The following PTCHD1 variants were observed in gnomAD, a reference collection of about 807,000 sequenced individuals.
PTCHD1 encodes the protein patched domain containing 1.
Under a neutral mutation model 34.6 loss-of-function variants are expected in PTCHD1, and 3 were observed. The ratio of observed to expected loss-of-function variants is 0.09; its 90% CI spans 0.04 to 0.22. The LOEUF is 0.22. Among genes scored for constraint, PTCHD1 ranks in the 10% least tolerant of loss-of-function variants. The pLI, the probability that PTCHD1 is intolerant of heterozygous loss-of-function variation, is 1.00. For synonymous variants in PTCHD1, 305 were observed against 283.1 expected (o/e 1.08, Z -0.77); for missense variants, 504 against 685.5 (o/e 0.74, Z 2.96).
At chrX:23,384,809 A>G (rs1248130663) in intron 2 of PTCHD1, among the ~76,000 whole-genome samples, 1 of 112,001 alleles carries the variant, frequency 8.9e-6, no homozygotes, top group Non-Finnish European at 1.9e-5. Context: ...TGAAATTGCA[A>G]ATATCCAACC....
chrX:23,375,771 G>C (rs146372951), intron 1 of PTCHD1, among the ~76,000 whole-genome samples: 39 of 111,774 alleles, frequency 3.5e-4, no homozygotes, highest in African/African-American at 1.2e-3. Flanking sequence ...GAGGATAATA[G>C]TATCACCATT....
chrX:23,392,074 C>CTTTCTTTTTTTTTTTT (rs367570857), intron 2 of PTCHD1, among the ~76,000 whole-genome samples: 19 of 52,349 alleles, frequency 3.6e-4, no homozygotes, highest in African/African-American at 2.0e-3. Flanking sequence ...TTCTTTCTTT[C>CTTTCTTTTTTTTTTTT]TTTTTTTTTT....
intron 1 of PTCHD1, among the ~76,000 whole-genome samples, chrX:23,353,418 C>G (rs1921702282): frequency 8.9e-6 from 1 of 112,455 alleles, no homozygotes; most frequent in Non-Finnish European, 1.9e-5. Context: ...GAAACCCCGT[C>G]TCTACTAAAG....
In PTCHD1 at chrX:23,396,551, G is replaced by A. The variant is rs1367938042; in HGVS notation, c.*2366G>A. ...GGCTTAAAGCAGCTCCACAAAACCT[G>A]ACACAACACACACACCAATTAAATG... On this transcript the variant is annotated 3_prime_UTR_variant, in exon 3 of 3. Transcript: ENST00000379361. 8.9e-6 allele frequency: 1 copy of A among 112,006 alleles called. No individual in the cohort carries two copies. Among genetic ancestry groups the A allele is most frequent in the Non-Finnish European group, 1.9e-5 (1 of 53,185 alleles). 9.2% of individuals were successfully genotyped at this position (112,006 alleles called of 1,213,427 possible).
chrX:23,379,409 A>C (rs1198890082), intron 1 of PTCHD1, among the ~76,000 whole-genome samples, 182 bp from the exon 2 acceptor site: 1 of 111,843 alleles, frequency 8.9e-6, no homozygotes, highest in African/African-American at 3.3e-5. Flanking sequence ...CTGCTGTTCT[A>C]GGGGCCACAT....
At chrX:23,378,570 G>A (rs1248955037) in intron 1 of PTCHD1, among the ~76,000 whole-genome samples, 1 of 111,773 alleles carries the variant, frequency 8.9e-6, no homozygotes, top group Non-Finnish European at 1.9e-5. Flanking sequence ...TATGGTGAGG[G>A]GCCAAGAGCA....
chrX:23,384,289 T>C (rs1922633265), intron 2 of PTCHD1, among the ~76,000 whole-genome samples: 1 of 112,286 alleles, frequency 8.9e-6, no homozygotes, highest in Non-Finnish European at 1.9e-5. Flanking sequence ...ATTTATGAGA[T>C]AAAAAATACT....
intron 1 of PTCHD1, among the ~76,000 whole-genome samples, chrX:23,348,879 G>A (rs775109541): frequency 2.7e-5 from 3 of 111,458 alleles, no homozygotes; most frequent in Admixed American, 1.9e-4. Flanking sequence ...AAATGAAGCT[G>A]AACTAAAATA....
rs1312468822 is a variant in PTCHD1, at chrX:23,379,768, A to G, written c.529A>G (p.Ile177Val). 5.0e-6 allele frequency: 6 copies of G among 1,209,055 alleles called. No individual in the cohort carries two copies. In the Admixed American group the frequency reaches 8.8e-5, roughly 18 times the overall value. ...NRTNFAITYPITHLKDGRAVY... is the reference protein window; with the variant it reads ...NRTNFAITYPVTHLKDGRAVY... Reference sequence around the variant, plus strand: ...GACCAATTTTGCTATCACATACCCAATCACTCACTTAAAGGACGGGAGGGC... The same window carrying G: ...GACCAATTTTGCTATCACATACCCAGTCACTCACTTAAAGGACGGGAGGGC... Residue 177 changes from isoleucine to valine, a missense_variant, in exon 2 of 3, where the codon ATC becomes GTC. Transcript: ENST00000379361.
At chrX:23,336,897 C>T (rs956549145) in intron 1 of PTCHD1, among the ~76,000 whole-genome samples, 2 of 111,244 alleles carry the variant, frequency 1.8e-5, no homozygotes, top group Non-Finnish European at 3.8e-5. Context: ...GGAAATGCCC[C>T]GTCTTTTGAT....
intron 1 of PTCHD1, among the ~76,000 whole-genome samples, chrX:23,342,265 C>CATATATAT (rs1921328923): frequency 1.6e-4 from 9 of 57,489 alleles, no homozygotes; most frequent in Non-Finnish European, 3.1e-4. Context: ...TGTGTTTCTC[C>CATATATAT]CTATATATAT....
intron 1 of PTCHD1, among the ~76,000 whole-genome samples, chrX:23,345,967 G>T (rs2146612609): frequency 9.0e-6 from 1 of 111,707 alleles, no homozygotes; most frequent in African/African-American, 3.3e-5. Context: ...CAGGAGAAAA[G>T]GGCTGAGTAG....
chrX:23,367,146 T>G (rs918971276), intron 1 of PTCHD1, among the ~76,000 whole-genome samples: 6 of 112,331 alleles, frequency 5.3e-5, no homozygotes, highest in Non-Finnish European at 1.1e-4. Context: ...AGTTATGTCT[T>G]AATGTTCTTT....
At chrX:23,343,423 G>C (rs905611055) in intron 1 of PTCHD1, among the ~76,000 whole-genome samples, 2 of 111,811 alleles carry the variant, frequency 1.8e-5, no homozygotes, top group African/African-American at 6.5e-5. Flanking sequence ...GAGCACCCTG[G>C]AACCCAAGTC....
Position 23,393,802 on chromosome X carries a change from A to T in PTCHD1, c.2284A>T (p.Asn762Tyr). Residue 762 changes from asparagine to tyrosine, a missense_variant, in exon 3 of 3, where the codon AAT (asparagine) becomes TAT (tyrosine). By Grantham distance (143) the Asn-to-Tyr change is moderately radical (BLOSUM62 -2). Coordinates refer to ENST00000379361, the MANE Select transcript of PTCHD1 (RefSeq NM_173495.3). ...ISVLCLIYGI[N>Y]YTIDNCAPML... ...TGTGCTATGCTTAATTTATGGAATT[A>T]ATTACACAATTGACAATTGTGCTCC... 8.3e-7 allele frequency: 1 copy of T among 1,211,192 alleles called. No homozygotes were observed. Among genetic ancestry groups the T allele is most frequent in the Admixed American group, 2.2e-5 (1 of 46,044 alleles).
In PTCHD1 at chrX:23,393,837, C is replaced by G. The variant is rs1922901026; in HGVS notation, c.2319C>G (p.Ser773=). The change falls in exon 3 of 3, where the codon TCC becomes TCG. Residue 773 remains serine (S), a synonymous_variant. Transcript: ENST00000379361. ...TTGACAATTGTGCTCCAATGTTATCCACATTTGTTCTGGGCAAGGATTTCA... is the reference window on the plus strand; with the variant it reads ...TTGACAATTGTGCTCCAATGTTATCGACATTTGTTCTGGGCAAGGATTTCA... The part of the protein sequence containing the change: ...YTIDNCAPML[S]TFVLGKDFTR... 2 of 1,210,356 alleles carry G rather than the reference C, an allele frequency of 1.7e-6. No individual in the cohort carries two copies. Among genetic ancestry groups the G allele is most frequent in the Non-Finnish European group, 2.2e-6 (2 of 894,331 alleles).
chrX:23,374,987 C>G (rs769711424), intron 1 of PTCHD1, among the ~76,000 whole-genome samples: 2 of 112,174 alleles, frequency 1.8e-5, no homozygotes, highest in East Asian at 5.6e-4. Flanking sequence ...GAAGCCAAAA[C>G]TTTTTCTTAC....
intron 1 of PTCHD1, among the ~76,000 whole-genome samples, chrX:23,361,406 G>A (rs1461399479): frequency 9.0e-6 from 1 of 111,412 alleles, no homozygotes; most frequent in African/African-American, 3.3e-5. Context: ...TTATGTAATG[G>A]CCTTCTTTGT....
At chrX:23,392,291 C>A (rs1922858330) in intron 2 of PTCHD1, among the ~76,000 whole-genome samples, 2 of 109,510 alleles carry the variant, frequency 1.8e-5, no homozygotes, top group African/African-American at 6.7e-5. Flanking sequence ...CTTTCTTAAG[C>A]CAGAGGGAAT....
Sources: allele counts gnomAD v4.1 joint callset (sites outside exome capture counted in the v4.1 genomes callset), GRCh38; gene constraint gnomAD v4.1.1; transcripts MANE v1.5; gene names NCBI Gene and HGNC (gene_info 2026-07-23, HGNC 2026-07-21).